Variants in RNFT2 observed in about 807,000 individuals in gnomAD.
RNFT2 encodes the protein ring finger protein, transmembrane 2.
Under a neutral mutation model 53.0 loss-of-function variants are expected in RNFT2, and 36 were observed. That is an observed-to-expected ratio of 0.68 (90% CI 0.52 to 0.90). The LOEUF (loss-of-function observed/expected upper bound fraction) is 0.90. Among genes scored for constraint, RNFT2 ranks in the 40% least tolerant of loss-of-function variants. RNFT2 has a pLI of 0.00. For synonymous variants in RNFT2, 260 were observed against 253.2 expected (o/e 1.03, Z -0.26); for missense variants, 514 against 585.6 (o/e 0.88, Z 1.26).
At position 116,753,200 on chromosome 12, in the gene RNFT2, G is replaced by T. The variant is rs772695468; in HGVS notation, c.551-784G>T. Among the ~76,000 whole-genome samples the T allele has an allele frequency of 6.4e-4, 86 of 134,520 alleles. 1 individual carries two copies. The highest frequency in any genetic ancestry group is 9.2e-5 in the Non-Finnish European group (6 of 65,428). 88.3% of individuals were successfully genotyped at this position (134,520 alleles called of 152,430 possible). A position where few individuals can be genotyped will look rare whatever the true frequency, so the allele number is the denominator to read the frequency against. On this transcript the variant is annotated intron_variant, in intron 4 of 10. Coordinates refer to ENST00000257575, the MANE Select transcript of RNFT2 (RefSeq NM_001382266.1). ...GAGTCTTGCTCTGTTGCCCAGGCTG[G>T]AGTGCAGTGGTGTGATCTCAATTCA... is the stretch of plus-strand genomic sequence containing the variant.
At position 116,750,201 on chromosome 12, in the gene RNFT2, G is replaced by T; in HGVS notation, c.444G>T (p.Thr148=). The part of the protein sequence containing the change: ...SEEGGDEQPG[T]PAPALSELKA... ...AGGGAGGCGACGAGCAGCCTGGGAC[G>T]CCCGCCCCCGCCCTGTCCGAGCTGA... Residue 148 remains threonine, a synonymous_variant, in exon 4 of 11, where the codon ACG becomes ACT. Coordinates refer to ENST00000257575, the MANE Select transcript of RNFT2 (RefSeq NM_001382266.1). The T allele has an allele frequency of 1.9e-6, 3 of 1,602,610 alleles. No individual in the cohort carries two copies. The highest frequency in any genetic ancestry group is 2.2e-5 in the South Asian group (2 of 89,932).
At chr12:116,793,268 G>T (rs561874513) in intron 7 of RNFT2, among the ~76,000 whole-genome samples, 1 of 147,458 alleles carries the variant, frequency 6.8e-6, no homozygotes, top group Non-Finnish European at 1.5e-5. Context: ...GTGCAGTGGC[G>T]TGATCTCAGC....
chr12:116,748,774 C>A, intron 3 of RNFT2: 1 of 391,838 alleles, frequency 2.6e-6, no homozygotes, highest in South Asian at 1.8e-5. Context: ...ATTCTGTGCT[C>A]CCTTTTCAAC....
At chr12:116,775,261 CAAAAAAA>C in intron 6 of RNFT2, among the ~76,000 whole-genome samples, 1 of 116,804 alleles carries the variant, frequency 8.6e-6, no homozygotes, top group East Asian at 2.6e-4. Flanking sequence ...ACTCCCGTCT[CAAAAAAA>C]AAAAAAAAAA....
rs1220559247 is a variant in RNFT2 at position 116,833,807 on chromosome 12, G to A, written c.898G>A (p.Val300Ile). 2 of 1,612,956 alleles carry A rather than the reference G, an allele frequency of 1.2e-6. No homozygotes were observed. Among genetic ancestry groups the A allele is most frequent in the African/African-American group, 2.7e-5 (2 of 74,836 alleles). The change falls in exon 8 of 11, where the codon GTC becomes ATC. Residue 300 changes from valine to isoleucine, a missense_variant. Physicochemically the swap from Val to Ile is conservative, Grantham distance 29. Coordinates refer to ENST00000257575, the MANE Select transcript of RNFT2 (RefSeq NM_001382266.1). ...AVKSKGKFYL[V>I]IEELSQLFRS... is the part of the protein sequence containing the mutation. ...GTGGTTGCAGGGAAAGTTCTATCTG[G>A]TCATCGAGGAGCTGAGCCAGCTGTT...
intron 5 of RNFT2, among the ~76,000 whole-genome samples, chr12:116,756,628 AT>A (rs1425995421): frequency 6.6e-6 from 1 of 152,154 alleles, no homozygotes; most frequent in African/African-American, 2.4e-5. Flanking sequence ...GGTGTATCAC[AT>A]TTATTGACTT....
At position 116,849,567 on chromosome 12, in the gene RNFT2, C is replaced by A; in HGVS notation, c.*119C>A. 7.0e-7 allele frequency: 1 copy of A among 1,433,666 alleles called. No homozygotes were observed. The highest frequency in any genetic ancestry group is 1.5e-5 in the South Asian group (1 of 68,822). 88.8% of individuals were successfully genotyped at this position (1,433,666 alleles called of 1,614,324 possible). A position where few individuals can be genotyped will look rare whatever the true frequency, so the allele number is the denominator to read the frequency against. Reference sequence around the variant, plus strand: ...TTACATCCTGCCTCTTGCCCTCCACCACCTCTGACCCCAAAGTCCCGCCCC... The same window carrying A: ...TTACATCCTGCCTCTTGCCCTCCACAACCTCTGACCCCAAAGTCCCGCCCC... On this transcript the variant is annotated 3_prime_UTR_variant, in exon 11 of 11. Coordinates refer to ENST00000257575, the MANE Select transcript of RNFT2 (RefSeq NM_001382266.1).
At chr12:116,750,754 C>G (rs4486720) in intron 4 of RNFT2, among the ~76,000 whole-genome samples, 129,991 of 139,690 alleles carry the variant, frequency 0.93, 60,592 homozygotes, top group Admixed American at 0.96. Context: ...TTAAATTTGA[C>G]TTAATATGTG....
intron 7 of RNFT2, among the ~76,000 whole-genome samples, chr12:116,829,435 G>A (rs2137195081): frequency 6.6e-6 from 1 of 152,268 alleles, no homozygotes; most frequent in South Asian, 2.1e-4. Context: ...GGAGGGGAAA[G>A]GAGGGCCCTT....
At chr12:116,832,701 C>G (rs1876740162) in intron 7 of RNFT2, among the ~76,000 whole-genome samples, 1 of 152,106 alleles carries the variant, frequency 6.6e-6, no homozygotes, top group African/African-American at 2.4e-5. Flanking sequence ...TGTCCAAGGT[C>G]AAGGGGAGGA....
At chr12:116,757,682 G>C (rs1872562698) in intron 5 of RNFT2, among the ~76,000 whole-genome samples, 2 of 152,292 alleles carry the variant, frequency 1.3e-5, no homozygotes, top group Admixed American at 6.5e-5. Flanking sequence ...CGTGGTCTGA[G>C]AGAGTACTTG....
At chr12:116,783,193 C>G (rs1873789547) in intron 7 of RNFT2, among the ~76,000 whole-genome samples, 1 of 152,244 alleles carries the variant, frequency 6.6e-6, no homozygotes, top group Non-Finnish European at 1.5e-5. Flanking sequence ...CTCATAGACA[C>G]TTGTCAGAAT....
At chr12:116,765,766 A>G (rs1200203934) in intron 5 of RNFT2, among the ~76,000 whole-genome samples, 1 of 152,168 alleles carries the variant, frequency 6.6e-6, no homozygotes, top group Non-Finnish European at 1.5e-5. Flanking sequence ...TGGATTGTGA[A>G]GGGCTTTGAG....
intron 4 of RNFT2, among the ~76,000 whole-genome samples, chr12:116,750,851 A>AATATATATATT (rs1555258794): frequency 9.5e-6 from 1 of 105,598 alleles, no homozygotes; most frequent in Non-Finnish European, 1.8e-5. Flanking sequence ...ATATATATAT[A>AATATATATATT]ATATATATTA....
chr12:116,805,708 A>G (rs1875013939), intron 7 of RNFT2, among the ~76,000 whole-genome samples: 1 of 152,156 alleles, frequency 6.6e-6, no homozygotes, highest in Admixed American at 6.5e-5. Flanking sequence ...TCCTGGCCTC[A>G]ACTGATCTGC....
rs116268432 is a variant in RNFT2 at position 116,785,567 on chromosome 12, T to C, written c.882+6219T>C. On this transcript the variant is annotated intron_variant, in intron 7 of 10. Transcript: ENST00000257575. ...TCAGCCTTCCAAAGTACTTGTGTAATTATTACATTCATTCCTGCCTCCTCA... is the reference window on the plus strand; with the variant it reads ...TCAGCCTTCCAAAGTACTTGTGTAACTATTACATTCATTCCTGCCTCCTCA... 3.8e-3 allele frequency among the ~76,000 whole-genome samples: 586 copies of C among 152,270 alleles called. 3 individuals are homozygous for C. The highest frequency in any genetic ancestry group is 0.014 in the African/African-American group (567 of 41,548).
intron 7 of RNFT2, among the ~76,000 whole-genome samples, chr12:116,831,489 T>A (rs958834069): frequency 6.6e-6 from 1 of 152,188 alleles, no homozygotes; most frequent in Non-Finnish European, 1.5e-5. Flanking sequence ...CCATTATAGA[T>A]CTCTAACATA....
chr12:116,813,584 G>C (rs77358363), intron 7 of RNFT2, among the ~76,000 whole-genome samples: 27 of 152,334 alleles, frequency 1.8e-4, no homozygotes, highest in African/African-American at 6.3e-4. Context: ...GTGATGTTGT[G>C]TTTGCTGGTT....
At chr12:116,774,295 C>T (rs570282012) in intron 6 of RNFT2, among the ~76,000 whole-genome samples, 1 of 152,200 alleles carries the variant, frequency 6.6e-6, no homozygotes, top group East Asian at 1.9e-4. Flanking sequence ...AAGACGGTAC[C>T]TTTTATGTTA....
Sources: gnomAD v4.1 joint callset for allele counts (sites outside exome capture counted in the v4.1 genomes callset) on GRCh38, gnomAD v4.1.1 for gene constraint, MANE v1.5 for transcripts, NCBI Gene and HGNC (gene_info 2026-07-23, HGNC 2026-07-21) for gene names.